The following KRTAP3-1 variants were observed in gnomAD, a reference collection of about 807,000 sequenced individuals.
The protein encoded by KRTAP3-1 is keratin associated protein 3-1.
KRTAP3-1 carries 3 observed loss-of-function variants against 2.8 expected under a neutral mutation model. The ratio of observed to expected loss-of-function variants is 1.07; its 90% confidence interval spans 0.49 to 2.78. KRTAP3-1 has a LOEUF of 2.78. Among genes scored for constraint, KRTAP3-1 ranks in the 30% most tolerant of loss-of-function variants. The probability of loss-of-function intolerance (pLI) is 0.04; values close to 1 mark genes in which losing one functional copy is unlikely to be tolerated. For synonymous variants in KRTAP3-1, 47 were observed against 49.1 expected (o/e 0.96, Z 0.18); for missense variants, 130 against 127.6 (o/e 1.02, Z -0.09).
At position 41,008,682 on chromosome 17, in the gene KRTAP3-1, C is replaced by T. The variant is rs148597270; in HGVS notation, c.*96G>A. On this transcript the variant is annotated 3_prime_UTR_variant, in exon 1 of 1. Coordinates refer to ENST00000391588, the MANE Select transcript of KRTAP3-1 (RefSeq NM_031958.2). ...GACTTGGCCCCGGGGATTGGGATGG[C>T]CTTAGCCTTGATGTAGGCAGTAGTG... The T allele has an allele frequency of 2.7e-3, 3,350 of 1,224,546 alleles. 71 individuals are homozygous for T. In the African/African-American group the frequency reaches 0.045, roughly 17 times the overall value. The allele number at this position is 1,224,546 out of a possible 1,614,324, so 75.9% of individuals were successfully genotyped here. A position where few individuals can be genotyped will look rare whatever the true frequency, so the allele number is the denominator to read the frequency against.
rs1227772350 is a variant in KRTAP3-1 at position 41,008,967 on chromosome 17, G to T, written c.108C>A (p.Cys36Ter). The T allele has an allele frequency of 1.2e-6, 2 of 1,614,262 alleles. No individual in the cohort carries two copies. The highest frequency in any genetic ancestry group is 1.7e-6 in the Non-Finnish European group (2 of 1,180,048). ...GCTGAAGGAGGCTGATCTCATGTGG[G>T]CAGGTGCTGGGTAGGCAGACTCCAC... is the stretch of plus-strand genomic sequence containing the variant. ...CRCGVCLPSTCPHEISLLQPI... is the reference protein window; with the variant it reads ...CRCGVCLPST Residue 36 changes from cysteine (C) to a stop codon, truncating the protein, a stop_gained, in exon 1 of 1, where the codon TGC becomes TGA. Coordinates refer to ENST00000391588, the MANE Select transcript of KRTAP3-1 (RefSeq NM_031958.2). LOFTEE classifies it high-confidence loss of function.
chr17:41,008,695 G>A lies in KRTAP3-1; in HGVS notation c.*83C>T. ...GGATTGGGATGGCCTTAGCCTTGAT[G>A]TAGGCAGTAGTGAGTGCTGAAGCCC... On this transcript the variant is annotated 3_prime_UTR_variant, in exon 1 of 1. Coordinates refer to ENST00000391588, the MANE Select transcript of KRTAP3-1 (RefSeq NM_031958.2). The A allele has an allele frequency of 7.6e-7, 1 of 1,321,846 alleles. No homozygotes were observed. The highest frequency in any genetic ancestry group is 1.5e-5 in the South Asian group (1 of 67,298). 81.9% of individuals were successfully genotyped at this position (1,321,846 alleles called of 1,614,324 possible).
Position 41,008,802 on chromosome 17 carries a change from C to T in KRTAP3-1, c.273G>A (p.Glu91=). The T allele has an allele frequency of 6.2e-7, 1 of 1,611,824 alleles. No individual in the cohort carries two copies. The highest frequency in any genetic ancestry group is 8.5e-7 in the Non-Finnish European group (1 of 1,178,580). Residue 91 remains glutamate (E), a synonymous_variant, in exon 1 of 1, where the codon GAG becomes GAA. Coordinates refer to ENST00000391588, the MANE Select transcript of KRTAP3-1 (RefSeq NM_031958.2). ...GTTAACAGCGGGGCTCACAGGGACT[C>T]TCACAGCCAGGCTGAACATAGGTGG... is the stretch of plus-strand genomic sequence containing the variant. ...NLTTYVQPGC[E]SPCEPRC is the part of the protein sequence containing the mutation.
At position 41,008,688 on chromosome 17, in the gene KRTAP3-1, C is replaced by A; in HGVS notation, c.*90G>T. On this transcript the variant is annotated 3_prime_UTR_variant, in exon 1 of 1. Coordinates refer to ENST00000391588, the MANE Select transcript of KRTAP3-1 (RefSeq NM_031958.2). ...GCCCCGGGGATTGGGATGGCCTTAG[C>A]CTTGATGTAGGCAGTAGTGAGTGCT... 1 of 1,287,492 alleles carries A rather than the reference C, an allele frequency of 7.8e-7. No homozygotes were observed. The highest frequency in any genetic ancestry group is 1.5e-5 in the South Asian group (1 of 66,118). 79.8% of individuals were successfully genotyped at this position (1,287,492 alleles called of 1,614,324 possible).
chr17:41,008,669 G>A lies in KRTAP3-1; in HGVS notation c.*109C>T. ...GAAGATTCATCAAGACTTGGCCCCG[G>A]GGATTGGGATGGCCTTAGCCTTGAT... On this transcript the variant is annotated 3_prime_UTR_variant, in exon 1 of 1. Coordinates refer to ENST00000391588, the MANE Select transcript of KRTAP3-1 (RefSeq NM_031958.2). The A allele has an allele frequency of 2.8e-6, 3 of 1,054,212 alleles. No homozygotes were observed. Among genetic ancestry groups the A allele is most frequent in the Non-Finnish European group, 4.0e-6 (3 of 742,138 alleles). 65.3% of individuals were successfully genotyped at this position (1,054,212 alleles called of 1,614,324 possible).
In KRTAP3-1 at chr17:41,009,061, G is replaced by A. The variant is rs776470119; in HGVS notation, c.14C>T (p.Ala5Val). Residue 5 changes from alanine (A) to valine (V), a missense_variant, in exon 1 of 1, where the codon GCT becomes GTT. Ala to Val is a moderately conservative substitution (Grantham distance 64). Coordinates refer to ENST00000391588, the MANE Select transcript of KRTAP3-1 (RefSeq NM_031958.2). ...GGTGGGGACGCTGCAGGAGCGGAGA[G>A]CACAGCAATACATGGCAATGGGAGG... MYCC[A>V]LRSCSVPTGP... 1.4e-5 allele frequency: 22 copies of A among 1,613,684 alleles called. No individual in the cohort carries two copies. Among genetic ancestry groups the A allele is most frequent in the Non-Finnish European group, 1.7e-5 (20 of 1,179,864 alleles).
At position 41,008,772 on chromosome 17, in the gene KRTAP3-1, G is replaced by A. The variant is rs201098960; in HGVS notation, c.*6C>T. ...CACCTCACGGAACCTGTGCAGACTC[G>A]GCTGGTTAACAGCGGGGCTCACAGG... On this transcript the variant is annotated 3_prime_UTR_variant, in exon 1 of 1. Transcript: ENST00000391588. 7.5e-6 allele frequency: 12 copies of A among 1,596,514 alleles called. No individual in the cohort carries two copies. The highest frequency in any genetic ancestry group is 4.6e-5 in the South Asian group (4 of 87,302).
Position 41,008,706 on chromosome 17 carries a change from T to A in KRTAP3-1, c.*72A>T, listed in dbSNP as rs2011980824. On this transcript the variant is annotated 3_prime_UTR_variant, in exon 1 of 1. Coordinates refer to ENST00000391588, the MANE Select transcript of KRTAP3-1 (RefSeq NM_031958.2). ...GCCTTAGCCTTGATGTAGGCAGTAG[T>A]GAGTGCTGAAGCCCAGATGGTGCAG... 7.0e-7 allele frequency: 1 copy of A among 1,418,760 alleles called. No individual in the cohort carries two copies. 87.9% of individuals were successfully genotyped at this position (1,418,760 alleles called of 1,614,324 possible). A position where few individuals can be genotyped will look rare whatever the true frequency, so the allele number is the denominator to read the frequency against.
In KRTAP3-1 at chr17:41,008,801, T is replaced by A; in HGVS notation, c.274A>T (p.Ser92Cys). The change falls in exon 1 of 1, where the codon AGT becomes TGT. Residue 92 changes from serine to cysteine, a missense_variant. Coordinates refer to ENST00000391588, the MANE Select transcript of KRTAP3-1 (RefSeq NM_031958.2). ...GGTTAACAGCGGGGCTCACAGGGAC[T>A]CTCACAGCCAGGCTGAACATAGGTG... is the stretch of plus-strand genomic sequence containing the variant. Reference protein sequence around the residue: ...LTTYVQPGCESPCEPRC With the variant: ...LTTYVQPGCECPCEPRC 6.2e-7 allele frequency: 1 copy of A among 1,611,140 alleles called. No homozygotes were observed. The highest frequency in any genetic ancestry group is 1.1e-5 in the South Asian group (1 of 90,740).
rs1430914519 is a variant in KRTAP3-1 at position 41,008,923 on chromosome 17, C to G, written c.152G>C (p.Cys51Ser). ...SLLQPICCDT[C>S]PPPCCKPDTY... ...ATCAGGCTTGCAGCAGGGTGGGGGGCAGGTGTCACAGCAGATGGGCTGAAG... is the reference window on the plus strand; with the variant it reads ...ATCAGGCTTGCAGCAGGGTGGGGGGGAGGTGTCACAGCAGATGGGCTGAAG... The change falls in exon 1 of 1, where the codon TGC becomes TCC. Residue 51 changes from cysteine (C) to serine (S), a missense_variant. Coordinates refer to ENST00000391588, the MANE Select transcript of KRTAP3-1 (RefSeq NM_031958.2). 3 of 1,614,032 alleles carry G rather than the reference C, an allele frequency of 1.9e-6. No homozygotes were observed. The highest frequency in any genetic ancestry group is 2.7e-5 in the African/African-American group (2 of 74,918).
At position 41,009,103 on chromosome 17, in the gene KRTAP3-1, T is replaced by A. The variant is rs751471457; in HGVS notation, c.-29A>T. The A allele has an allele frequency of 3.8e-6, 6 of 1,597,420 alleles. No individual in the cohort carries two copies. Among genetic ancestry groups the A allele is most frequent in the Non-Finnish European group, 5.1e-6 (6 of 1,170,730 alleles). On this transcript the variant is annotated 5_prime_UTR_variant, in exon 1 of 1. Transcript: ENST00000391588. ...AATGGGAGGTGGGTTTTTGTTGAGT[T>A]GAGAGAAGTCTGTTGGTGTCTCGAT... is the stretch of plus-strand genomic sequence containing the variant.
At position 41,009,067 on chromosome 17, in the gene KRTAP3-1, C is replaced by G; in HGVS notation, c.8G>C (p.Cys3Ser). 6.2e-7 allele frequency: 1 copy of G among 1,612,792 alleles called. No individual in the cohort carries two copies. The highest frequency in any genetic ancestry group is 1.3e-5 in the African/African-American group (1 of 75,014). The part of the protein sequence containing the change: MY[C>S]CALRSCSVPT... ...GACGCTGCAGGAGCGGAGAGCACAGCAATACATGGCAATGGGAGGTGGGTT... is the reference window on the plus strand; with the variant it reads ...GACGCTGCAGGAGCGGAGAGCACAGGAATACATGGCAATGGGAGGTGGGTT... The change falls in exon 1 of 1, where the codon TGC becomes TCC. Residue 3 changes from cysteine (C) to serine (S), a missense_variant. Transcript: ENST00000391588.
In KRTAP3-1 at chr17:41,009,045, G is replaced by T; in HGVS notation, c.30C>A (p.Ser10Arg). Residue 10 changes from serine to arginine, a missense_variant, in exon 1 of 1, where the codon AGC becomes AGA. Physicochemically the swap from Ser to Arg is moderately radical, Grantham distance 110. Transcript: ENST00000391588. ...AGGTGGTGGCAGGGCCGGTGGGGACGCTGCAGGAGCGGAGAGCACAGCAAT... is the reference window on the plus strand; with the variant it reads ...AGGTGGTGGCAGGGCCGGTGGGGACTCTGCAGGAGCGGAGAGCACAGCAAT... MYCCALRSC[S>R]VPTGPATTFC... The T allele has an allele frequency of 6.2e-7, 1 of 1,614,098 alleles. No individual in the cohort carries two copies. The highest frequency in any genetic ancestry group is 1.3e-5 in the African/African-American group (1 of 75,048).
rs1486719468 is a variant in KRTAP3-1 at position 41,008,759 on chromosome 17, C to A, written c.*19G>T. 5 of 1,583,616 alleles carry A rather than the reference C, an allele frequency of 3.2e-6. No homozygotes were observed. The highest frequency in any genetic ancestry group is 4.3e-6 in the Non-Finnish European group (5 of 1,163,224). On this transcript the variant is annotated 3_prime_UTR_variant, in exon 1 of 1. Coordinates refer to ENST00000391588, the MANE Select transcript of KRTAP3-1 (RefSeq NM_031958.2). The stretch of plus-strand genomic sequence containing the variant: ...GACATTGGGCAGCCACCTCACGGAA[C>A]CTGTGCAGACTCGGCTGGTTAACAG...
Position 41,008,649 on chromosome 17 carries a change from T to C in KRTAP3-1, c.*129A>G, listed in dbSNP as rs968015357. 1.4e-5 allele frequency: 12 copies of C among 828,482 alleles called. No homozygotes were observed. In the African/African-American group the frequency reaches 2.1e-4, roughly 14 times the overall value. The allele number at this position is 828,482 out of a possible 1,614,324, so 51.3% of individuals were successfully genotyped here. On this transcript the variant is annotated 3_prime_UTR_variant, in exon 1 of 1. Transcript: ENST00000391588. Reference sequence around the variant, plus strand: ...CCAAATGTGCAAATAATTAAGAAGATTCATCAAGACTTGGCCCCGGGGATT... The same window carrying C: ...CCAAATGTGCAAATAATTAAGAAGACTCATCAAGACTTGGCCCCGGGGATT...
At position 41,009,091 on chromosome 17, in the gene KRTAP3-1, T is replaced by G; in HGVS notation, c.-17A>C. 1 of 1,606,974 alleles carries G rather than the reference T, an allele frequency of 6.2e-7. No individual in the cohort carries two copies. The highest frequency in any genetic ancestry group is 8.5e-7 in the Non-Finnish European group (1 of 1,176,208). ...GCAATACATGGCAATGGGAGGTGGG[T>G]TTTTGTTGAGTTGAGAGAAGTCTGT... On this transcript the variant is annotated 5_prime_UTR_variant, in exon 1 of 1. Coordinates refer to ENST00000391588, the MANE Select transcript of KRTAP3-1 (RefSeq NM_031958.2).
Position 41,008,694 on chromosome 17 carries a change from T to A in KRTAP3-1, c.*84A>T. On this transcript the variant is annotated 3_prime_UTR_variant, in exon 1 of 1. Transcript: ENST00000391588. ...GGGATTGGGATGGCCTTAGCCTTGA[T>A]GTAGGCAGTAGTGAGTGCTGAAGCC... The A allele has an allele frequency of 7.6e-7, 1 of 1,320,510 alleles. No homozygotes were observed. Among genetic ancestry groups the A allele is most frequent in the South Asian group, 1.5e-5 (1 of 67,186 alleles). 81.8% of individuals were successfully genotyped at this position (1,320,510 alleles called of 1,614,324 possible). A position where few individuals can be genotyped will look rare whatever the true frequency, so the allele number is the denominator to read the frequency against.
rs200201474 is a variant in KRTAP3-1 at position 41,009,044 on chromosome 17, C to A, written c.31G>T (p.Val11Phe). 80 of 1,613,886 alleles carry A rather than the reference C, an allele frequency of 5.0e-5. No homozygotes were observed. In the East Asian group the frequency reaches 1.7e-3, roughly 34 times the overall value. Residue 11 changes from valine to phenylalanine, a missense_variant, in exon 1 of 1, where the codon GTC (valine) becomes TTC (phenylalanine). Transcript: ENST00000391588. The part of the protein sequence containing the change: MYCCALRSCS[V>F]PTGPATTFCS... Reference sequence around the variant, plus strand: ...AAGGTGGTGGCAGGGCCGGTGGGGACGCTGCAGGAGCGGAGAGCACAGCAA... The same window carrying A: ...AAGGTGGTGGCAGGGCCGGTGGGGAAGCTGCAGGAGCGGAGAGCACAGCAA...
At position 41,008,670 on chromosome 17, in the gene KRTAP3-1, G is replaced by A; in HGVS notation, c.*108C>T. 9.4e-7 allele frequency: 1 copy of A among 1,063,184 alleles called. No individual in the cohort carries two copies. The highest frequency in any genetic ancestry group is 1.3e-6 in the Non-Finnish European group (1 of 749,762). 65.9% of individuals were successfully genotyped at this position (1,063,184 alleles called of 1,614,324 possible). On this transcript the variant is annotated 3_prime_UTR_variant, in exon 1 of 1. Coordinates refer to ENST00000391588, the MANE Select transcript of KRTAP3-1 (RefSeq NM_031958.2). ...AAGATTCATCAAGACTTGGCCCCGG[G>A]GATTGGGATGGCCTTAGCCTTGATG...
Sources: gnomAD v4.1 joint callset for allele counts on GRCh38, gnomAD v4.1.1 for gene constraint, MANE v1.5 for transcripts, NCBI Gene and HGNC (gene_info 2026-07-23, HGNC 2026-07-21) for gene names.